Variants in S100Z observed in about 807,000 individuals in gnomAD.
The protein encoded by S100Z is S100 calcium binding protein Z, also known as protein S100-Z.
S100Z carries 11 observed loss-of-function variants against 8.5 expected under a neutral mutation model. The observed-to-expected ratio is 1.30, with a 90% CI of 0.82 to 2.15. The LOEUF (loss-of-function observed/expected upper bound fraction) is 2.15. S100Z is among the 30% of genes most tolerant of loss of function. The probability of loss-of-function intolerance (pLI) is 0.00; values close to 1 mark genes in which losing one functional copy is unlikely to be tolerated. For missense variants in S100Z, 126 were observed against 117.9 expected, an observed-to-expected ratio of 1.07 and a Z score of -0.32; for synonymous variants, 34 against 43.8, an observed-to-expected ratio of 0.78 and a Z score of 0.89.
At chr5:76,875,635 A>T in intron 3 of S100Z, 135 bp downstream of exon 3, 1 of 760,744 alleles carries the variant, frequency 1.3e-6, no homozygotes, top group South Asian at 2.3e-5. Flanking sequence ...TTCAAAATAT[A>T]GGGGAAGCAA....
intron 3 of S100Z, among the ~76,000 whole-genome samples, 170 bp from the exon 4 acceptor site, chr5:76,877,504 G>A (rs868499998): frequency 6.6e-5 from 10 of 152,178 alleles, no homozygotes; most frequent in African/African-American, 2.2e-4. Context: ...GGCTAGATTC[G>A]TTTAGAATTC....
chr5:76,927,344 T>C, the S100Z span, among the ~76,000 whole-genome samples: 1 of 152,230 alleles, frequency 6.6e-6, no homozygotes, highest in Non-Finnish European at 1.5e-5. Context: ...TGGCCCCTTT[T>C]TGAGGTTCCA....
chr5:76,907,986 T>G (rs1744517234), intron 4 of S100Z, among the ~76,000 whole-genome samples: 1 of 151,826 alleles, frequency 6.6e-6, no homozygotes, highest in African/African-American at 2.4e-5. Flanking sequence ...AAAATATCAG[T>G]CAGATGTGGT....
intron 4 of S100Z, among the ~76,000 whole-genome samples, chr5:76,906,966 T>TTGTGTG (rs111648836): frequency 5.1e-5 from 3 of 58,776 alleles, no homozygotes; most frequent in Admixed American, 4.6e-4. Flanking sequence ...TAGTATTCCA[T>TTGTGTG]TGTGTGTGTG....
chr5:76,907,489 G>T (rs1365446243), intron 4 of S100Z, among the ~76,000 whole-genome samples: 1 of 152,092 alleles, frequency 6.6e-6, no homozygotes, highest in Non-Finnish European at 1.5e-5. Flanking sequence ...ATTTTTAGTA[G>T]AGATGTGGTT....
intron 4 of S100Z, among the ~76,000 whole-genome samples, chr5:76,887,783 C>G (rs776787040): frequency 8.5e-5 from 13 of 152,170 alleles, no homozygotes; most frequent in Non-Finnish European, 1.5e-4. Context: ...CAATTGCTGA[C>G]TTTCTAGTGC....
the S100Z span, among the ~76,000 whole-genome samples, chr5:76,931,454 G>A: frequency 6.6e-6 from 1 of 152,014 alleles, no homozygotes; most frequent in African/African-American, 2.4e-5. Flanking sequence ...CTCATCATGA[G>A]GTCCCCACAC....
At chr5:76,895,979 T>C (rs1487589797) in intron 4 of S100Z, among the ~76,000 whole-genome samples, 1 of 152,072 alleles carries the variant, frequency 6.6e-6, no homozygotes, top group East Asian at 1.9e-4. Flanking sequence ...GCCAGGCTGC[T>C]CTTGAACTCC....
At chr5:76,869,254 AC>A in intron 1 of S100Z, among the ~76,000 whole-genome samples, 2 of 152,302 alleles carry the variant, frequency 1.3e-5, no homozygotes, top group Middle Eastern at 3.4e-3. Flanking sequence ...ACAAAAAAAA[AC>A]GTGATGTTGG....
chr5:76,855,377 CAG>C (rs1178020440), intron 1 of S100Z, among the ~76,000 whole-genome samples: 1 of 152,200 alleles, frequency 6.6e-6, no homozygotes, highest in Non-Finnish European at 1.5e-5. Flanking sequence ...CCTGTGAAAA[CAG>C]ATGCTGTACC....
chr5:76,876,879 TCA>T, intron 3 of S100Z, among the ~76,000 whole-genome samples: 2 of 152,274 alleles, frequency 1.3e-5, no homozygotes, highest in Middle Eastern at 6.8e-3. Flanking sequence ...GAAACACTCC[TCA>T]TCAACACCAG....
intron 4 of S100Z, among the ~76,000 whole-genome samples, chr5:76,907,263 T>C (rs1744489870): frequency 6.6e-6 from 1 of 152,054 alleles, no homozygotes; most frequent in Non-Finnish European, 1.5e-5. Context: ...ATGTCTATCC[T>C]TTCCTGATAC....
intron 2 of S100Z, among the ~76,000 whole-genome samples, chr5:76,870,777 G>A (rs2150634452): frequency 6.6e-6 from 1 of 152,148 alleles, no homozygotes; most frequent in East Asian, 1.9e-4. Context: ...GAGTAGCTGA[G>A]ACCACAGTGG....
chr5:76,948,807 G>C, the S100Z span: 6 of 152,172 alleles, frequency 3.9e-5, no homozygotes, highest in Non-Finnish European at 8.8e-5. Flanking sequence ...TATGAAAGGA[G>C]AGAAGGTTAA....
rs1750868589 is a variant in S100Z at position 76,855,938 on chromosome 5, A to G, written c.-176+5783A>G. 2.0e-5 allele frequency among the ~76,000 whole-genome samples: 3 copies of G among 152,194 alleles called. No homozygotes were observed. The South Asian group carries it at 6.2e-4, about 32-fold the overall frequency. ...GATCATGGGGGTGGAGTTCTCATGA[A>G]TGGGTTAACATCATCCCCAAGGTGC... On this transcript the variant is annotated intron_variant, in intron 1 of 4. Coordinates refer to ENST00000317593, the MANE Select transcript of S100Z (RefSeq NM_130772.4).
chr5:76,897,056 A>G (rs1466739239), intron 4 of S100Z, among the ~76,000 whole-genome samples: 1 of 152,106 alleles, frequency 6.6e-6, no homozygotes, highest in African/African-American at 2.4e-5. Context: ...TGGTTACTAT[A>G]GCTCTGGTGT....
chr5:76,912,724 G>A (rs1744712602), intron 4 of S100Z, among the ~76,000 whole-genome samples: 1 of 152,244 alleles, frequency 6.6e-6, no homozygotes, highest in Admixed American at 6.5e-5. Context: ...ACTCAAGGAG[G>A]TGGCAGTCTT....
chr5:76,872,378 GA>G (rs1374370200), intron 2 of S100Z, among the ~76,000 whole-genome samples: 1 of 151,738 alleles, frequency 6.6e-6, no homozygotes, highest in Non-Finnish European at 1.5e-5. Context: ...GTATTTCACA[GA>G]GACAATGTAA....
In S100Z at chr5:76,920,968, A is replaced by AT. The variant is rs1745017159; in HGVS notation, c.*258dup. The AT allele has an allele frequency of 6.6e-6, 1 of 152,176 alleles. No homozygotes were observed. The highest frequency in any genetic ancestry group is 1.5e-5 in the Non-Finnish European group (1 of 68,042). 9.4% of individuals were successfully genotyped at this position (152,176 alleles called of 1,614,324 possible). ...ACAGCTGTATGAAGTAGATTCTCTG[A>AT]TTTTATCTTGAAATCCACAACTTCC... On this transcript the variant is annotated 3_prime_UTR_variant, in exon 5 of 5. Transcript: ENST00000317593.
Sources: gnomAD v4.1 joint callset for allele counts (sites outside exome capture counted in the v4.1 genomes callset) on GRCh38, gnomAD v4.1.1 for gene constraint, MANE v1.5 for transcripts, NCBI Gene and HGNC (gene_info 2026-07-23, HGNC 2026-07-21) for gene names.